C1QTNF2: variants seen among roughly 807,000 people sequenced by gnomAD.
C1QTNF2 encodes the protein C1q and TNF related 2, also known as complement C1q tumor necrosis factor-related protein 2.
In C1QTNF2, 15 loss-of-function variants were observed where a neutral mutation model predicts 17.4. The observed-to-expected ratio is 0.86, with a 90% CI of 0.58 to 1.33. The LOEUF (loss-of-function observed/expected upper bound fraction) is 1.33, where lower values mean the gene tolerates loss of function less well. C1QTNF2 is among the 40% of genes most tolerant of loss of function. C1QTNF2 has a pLI of 0.00. For missense variants in C1QTNF2, 381 were observed against 392.3 expected (o/e 0.97, Z 0.24); for synonymous variants, 154 against 163.3 (o/e 0.94, Z 0.44).
intron 1 of C1QTNF2, among the ~76,000 whole-genome samples, chr5:160,369,740 C>T (rs1764314940): frequency 6.6e-6 from 1 of 152,142 alleles, no homozygotes; most frequent in African/African-American, 2.4e-5. Context: ...GCAAGGGACT[C>T]ATGGTGTCAG....
intron 1 of C1QTNF2, among the ~76,000 whole-genome samples, chr5:160,355,465 G>A (rs562445550): frequency 8.3e-4 from 126 of 152,252 alleles, no homozygotes; most frequent in African/African-American, 2.8e-3. Context: ...GCTTCTCATG[G>A]GAGACTCAGG....
At chr5:160,367,301 T>G (rs1764265622) in intron 1 of C1QTNF2, among the ~76,000 whole-genome samples, 1 of 152,212 alleles carries the variant, frequency 6.6e-6, no homozygotes. Flanking sequence ...TGGGCAGCAC[T>G]GAGCCTGCAT....
intron 1 of C1QTNF2, among the ~76,000 whole-genome samples, chr5:160,359,222 G>A (rs747151706): frequency 6.6e-6 from 1 of 152,120 alleles, no homozygotes; most frequent in Non-Finnish European, 1.5e-5. Context: ...GATTAATGGA[G>A]ATGGCATCCA....
chr5:160,359,944 G>A (rs2113524426), intron 1 of C1QTNF2, among the ~76,000 whole-genome samples: 1 of 150,108 alleles, frequency 6.7e-6, no homozygotes, highest in Non-Finnish European at 1.5e-5. Context: ...CTCTGGCCCA[G>A]CACCCACCCC....
chr5:160,365,908 G>A (rs983012185), intron 1 of C1QTNF2, among the ~76,000 whole-genome samples: 4 of 152,160 alleles, frequency 2.6e-5, no homozygotes, highest in Non-Finnish European at 5.9e-5. Context: ...TGTCCTAACA[G>A]GTAATCAGAA....
intron 1 of C1QTNF2, among the ~76,000 whole-genome samples, chr5:160,364,676 T>C (rs535107964): frequency 9.8e-5 from 15 of 152,322 alleles, no homozygotes; most frequent in African/African-American, 3.6e-4. Flanking sequence ...TTTTCACTTA[T>C]CACTTTGAGT....
Position 160,370,603 on chromosome 5 carries a change from G to A in C1QTNF2, c.-101C>T, listed in dbSNP as rs759289387. 2.8e-6 allele frequency: 4 copies of A among 1,448,366 alleles called. No individual in the cohort carries two copies. The highest frequency in any genetic ancestry group is 2.8e-5 in the East Asian group (1 of 36,296). 89.7% of individuals were successfully genotyped at this position (1,448,366 alleles called of 1,614,324 possible). A position where few individuals can be genotyped will look rare whatever the true frequency, so the allele number is the denominator to read the frequency against. ...CCGGCTTTCCTCAGCGGCAGCAGCC[G>A]GGCAGAGCGTCGGCCCCAGGCATAG... On this transcript the variant is annotated 5_prime_UTR_variant, in exon 1 of 3. Coordinates refer to ENST00000652664, the MANE Select transcript of C1QTNF2 (RefSeq NM_031908.6).
chr5:160,355,592 A>G (rs972482264), intron 1 of C1QTNF2, among the ~76,000 whole-genome samples: 1 of 152,202 alleles, frequency 6.6e-6, no homozygotes, highest in African/African-American at 2.4e-5. Flanking sequence ...TGCGCCAGGC[A>G]TGTGCTAAGA....
chr5:160,364,069 C>T (rs950139764), intron 1 of C1QTNF2, among the ~76,000 whole-genome samples: 1 of 152,214 alleles, frequency 6.6e-6, no homozygotes, highest in Non-Finnish European at 1.5e-5. Context: ...AATTTCAATG[C>T]TATTTAGCCC....
intron 2 of C1QTNF2, among the ~76,000 whole-genome samples, chr5:160,351,164 T>G (rs1581031971): frequency 1.3e-5 from 2 of 152,226 alleles, no homozygotes; most frequent in African/African-American, 4.8e-5. Flanking sequence ...CCAGTTGTGT[T>G]TTCCTTTAGA....
chr5:160,363,301 T>C (rs542424719), intron 1 of C1QTNF2, among the ~76,000 whole-genome samples: 1 of 152,348 alleles, frequency 6.6e-6, no homozygotes, highest in African/African-American at 2.4e-5. Context: ...TGGCTGCCGC[T>C]CCTCACAGTA....
At chr5:160,356,872 T>C (rs1212551643) in intron 1 of C1QTNF2, among the ~76,000 whole-genome samples, 1 of 152,130 alleles carries the variant, frequency 6.6e-6, no homozygotes, top group Non-Finnish European at 1.5e-5. Flanking sequence ...AGGCTGACCA[T>C]ACCTCTCCTC....
chr5:160,370,197 A>G (rs892184803), intron 1 of C1QTNF2, among the ~76,000 whole-genome samples: 1 of 152,232 alleles, frequency 6.6e-6, no homozygotes, highest in Non-Finnish European at 1.5e-5. Context: ...GAGCACAAGT[A>G]AAGTGCTAGC....
rs748112965 is a variant in C1QTNF2, at chr5:160,349,364, C to T, written c.662G>A (p.Arg221Gln). The T allele has an allele frequency of 1.1e-5, 17 of 1,614,010 alleles. No homozygotes were observed. The Admixed American group carries it at 2.0e-4, about 19-fold the overall frequency. The change falls in exon 3 of 3, where the codon CGG (arginine) becomes CAG (glutamine). Residue 221 changes from arginine (R) to glutamine (Q), a missense_variant. Arg to Gln is a conservative substitution (Grantham distance 43). Transcript: ENST00000652664. This position sits in a 1 kb window ranked among gnomAD's most constrained non-coding sequence, Gnocchi z 4.3. ...GLVHNGQYRI[R>Q]TFDANTGNHD... ...GTTGCCGGTGTTGGCATCAAAGGTC[C>T]GGATGCGGTACTGGCCGTTGTGCAC...
At position 160,349,808 on chromosome 5, in the gene C1QTNF2, G is replaced by A; in HGVS notation, c.245-27C>T. 2.0e-6 allele frequency: 3 copies of A among 1,510,876 alleles called. No individual in the cohort carries two copies. The highest frequency in any genetic ancestry group is 2.8e-5 in the African/African-American group (2 of 71,896). 93.6% of individuals were successfully genotyped at this position (1,510,876 alleles called of 1,614,324 possible). Reference sequence around the variant, plus strand: ...TGGAAGACAGAGCAGCTGGTGTTATGGAGGGTCCTCACAGACCTAGGCAGA... The same window carrying A: ...TGGAAGACAGAGCAGCTGGTGTTATAGAGGGTCCTCACAGACCTAGGCAGA... On this transcript the variant is annotated intron_variant, in intron 2 of 2. Transcript: ENST00000652664. The surrounding 1 kb of genome is among the most constrained non-coding windows in gnomAD (Gnocchi z 4.3).
At chr5:160,358,664 A>G (rs1274725673) in intron 1 of C1QTNF2, among the ~76,000 whole-genome samples, 1 of 151,962 alleles carries the variant, frequency 6.6e-6, no homozygotes, top group Non-Finnish European at 1.5e-5. Flanking sequence ...AGAATCAAGA[A>G]CTTGGGGAGG....
intron 2 of C1QTNF2, among the ~76,000 whole-genome samples, chr5:160,351,030 G>A (rs1209652133): frequency 2.6e-5 from 4 of 152,182 alleles, no homozygotes; most frequent in Non-Finnish European, 4.4e-5. Flanking sequence ...GATTACAGGC[G>A]TGAGCCACCA....
At chr5:160,359,066 G>A (rs990100864) in intron 1 of C1QTNF2, among the ~76,000 whole-genome samples, 1 of 152,082 alleles carries the variant, frequency 6.6e-6, no homozygotes, top group Non-Finnish European at 1.5e-5. Flanking sequence ...GTGAGCCACC[G>A]CATCCAGCCT....
intron 1 of C1QTNF2, among the ~76,000 whole-genome samples, chr5:160,363,933 G>A (rs576695097): frequency 6.6e-6 from 1 of 152,326 alleles, no homozygotes; most frequent in Admixed American, 6.5e-5. Context: ...CAGTCTCCAC[G>A]TGCCTGACCA....
Sources: allele counts gnomAD v4.1 joint callset (sites outside exome capture counted in the v4.1 genomes callset), GRCh38; gene constraint gnomAD v4.1.1; non-coding constraint Gnocchi (gnomAD v3.1); transcripts MANE v1.5; gene names NCBI Gene and HGNC (gene_info 2026-07-23, HGNC 2026-07-21).